The following C5 variants were observed in gnomAD, a reference collection of about 807,000 sequenced individuals.
The protein encoded by C5 is C3 and PZP-like alpha-2-macroglobulin domain-containing protein 4.
A neutral mutation model predicts 218.8 loss-of-function variants in C5; 140 were observed. The observed-to-expected ratio is 0.64, with a 90% CI of 0.56 to 0.74. The LOEUF (loss-of-function observed/expected upper bound fraction) is 0.74. Among genes scored for constraint, C5 ranks in the 30% least tolerant of loss-of-function variants. C5 has a pLI of 0.00. For missense variants in C5, 1,700 were observed against 1,969.6 expected (o/e 0.86, Z 2.59); for synonymous variants, 614 against 682.3 (o/e 0.90, Z 1.56).
upstream of C5, among the ~76,000 whole-genome samples, chr9:121,054,043 C>T (rs73662475): frequency 2.4e-3 from 363 of 152,112 alleles, no homozygotes; most frequent in African/African-American, 8.5e-3. Context: ...TGAATGAACT[C>T]CCACTTGGCC....
chr9:120,974,599 TTG>T (rs2046938503), intron 30 of C5, among the ~76,000 whole-genome samples, 178 bp downstream of exon 30: 1 of 152,206 alleles, frequency 6.6e-6, no homozygotes, highest in Non-Finnish European at 1.5e-5. Flanking sequence ...CGCTGATTGT[TTG>T]TGTTTTATTT....
chr9:121,046,224 T>G lies in C5; in HGVS notation c.225A>C (p.Ser75=). 1 of 1,601,154 alleles carries G rather than the reference T, an allele frequency of 6.2e-7. No individual in the cohort carries two copies. Among genetic ancestry groups the G allele is most frequent in the Non-Finnish European group, 8.5e-7 (1 of 1,169,870 alleles). The change falls in exon 2 of 41, where the codon TCA becomes TCC. Residue 75 remains serine (S), a synonymous_variant. Transcript: ENST00000223642. ...SYSSGHVHLS[S]ENKFQNSAIL... The stretch of plus-strand genomic sequence containing the variant: ...TTGCAGAGTTTTGGAATTTATTCTC[T>G]GAGGATAAATGAACATGGCCTGAGG...
chr9:121,032,227 G>T, intron 5 of C5, 32 bp from the exon 6 acceptor site: 1 of 1,287,352 alleles, frequency 7.8e-7, no homozygotes, highest in Non-Finnish European at 1.1e-6. Context: ...AATTATAGAT[G>T]TCATCAAATG....
At chr9:120,995,256 AT>A (rs968963755) in intron 22 of C5, among the ~76,000 whole-genome samples, 36 of 152,162 alleles carry the variant, frequency 2.4e-4, no homozygotes, top group African/African-American at 8.7e-4. Flanking sequence ...CTGTAAGTAA[AT>A]TTTTTCCCCA....
chr9:121,008,414 G>C lies in C5; in HGVS notation c.2342C>G (p.Pro781Arg), dbSNP rs769518956. 6.2e-7 allele frequency: 1 copy of C among 1,611,426 alleles called. No individual in the cohort carries two copies. The highest frequency in any genetic ancestry group is 1.1e-5 in the South Asian group (1 of 91,018). Residue 781 changes from proline to arginine, a missense_variant, in exon 18 of 41, where the codon CCC becomes CGC. Physicochemically the swap from Pro to Arg is moderately radical, Grantham distance 103. Transcript: ENST00000223642. ...CATGAAAGAAGTATAATACCTTCTG[G>C]GAACAAGATGAACTTCCCACAACCA... ...ESWLWEVHLV[P>R]RRKQLQFALP...
chr9:120,991,119 T>C, intron 23 of C5, 72 bp downstream of exon 23: 1 of 928,714 alleles, frequency 1.1e-6, no homozygotes, highest in Admixed American at 1.7e-5. Flanking sequence ...AACAGAATAA[T>C]CATGAGGATA....
intron 38 of C5, 131 bp from the exon 39 acceptor site, chr9:120,957,499 G>A (rs2046795151): frequency 1.4e-6 from 1 of 693,290 alleles, no homozygotes; most frequent in Non-Finnish European, 2.6e-6. Flanking sequence ...TTTCCTCCAA[G>A]AAGCCTTCCC....
intron 28 of C5, chr9:120,979,642 C>T (rs966659866): frequency 4.3e-6 from 1 of 233,998 alleles, no homozygotes; most frequent in African/African-American, 2.3e-5. Context: ...GATCCTAGCA[C>T]TTTGGAAGGC....
At chr9:121,037,302 G>GTTTTTTTTTTTTTTTTT (rs201849062) in intron 4 of C5, among the ~76,000 whole-genome samples, 1 of 136,722 alleles carries the variant, frequency 7.3e-6, no homozygotes, top group Non-Finnish European at 1.6e-5. Context: ...TTGTTTTTTG[G>GTTTTTTTTTTTTTTTTT]TTTTTTTTTT....
At chr9:120,994,680 G>C (rs539676993) in intron 22 of C5, among the ~76,000 whole-genome samples, 3 of 151,940 alleles carry the variant, frequency 2.0e-5, no homozygotes, top group Non-Finnish European at 4.4e-5. Context: ...CTTTAGCTCT[G>C]CAGAAATCAG....
intron 33 of C5, among the ~76,000 whole-genome samples, chr9:120,965,694 C>G (rs765007036): frequency 1.4e-4 from 22 of 152,134 alleles, no homozygotes; most frequent in Non-Finnish European, 2.9e-4. Context: ...ATATAAAACA[C>G]TTGGAACTCT....
chr9:121,025,660 C>T, intron 8 of C5, 80 bp from the exon 9 acceptor site: 1 of 1,349,206 alleles, frequency 7.4e-7, no homozygotes. Flanking sequence ...CTTTTACTAA[C>T]CTCTAAATTG....
At chr9:120,966,454 A>G (rs1365994195) in intron 33 of C5, among the ~76,000 whole-genome samples, 1 of 152,196 alleles carries the variant, frequency 6.6e-6, no homozygotes, top group Non-Finnish European at 1.5e-5. Flanking sequence ...CCTGAAGGTC[A>G]CTGGAGTTCT....
At chr9:121,048,517 CA>C (rs2047647126) in intron 1 of C5, among the ~76,000 whole-genome samples, 1 of 152,178 alleles carries the variant, frequency 6.6e-6, no homozygotes, top group Admixed American at 6.5e-5. Flanking sequence ...ATCCCCACCC[CA>C]ATCCTGGTCC....
chr9:121,055,850 T>G, the C5 span, among the ~76,000 whole-genome samples: 1 of 152,202 alleles, frequency 6.6e-6, no homozygotes, highest in African/African-American at 2.4e-5. Flanking sequence ...GTAGAGTGTC[T>G]GCATCACTCC....
chr9:121,044,953 T>TC (rs2047614254), intron 2 of C5, among the ~76,000 whole-genome samples: 1 of 149,560 alleles, frequency 6.7e-6, no homozygotes, highest in South Asian at 2.1e-4. Flanking sequence ...ACTTTCTTTT[T>TC]TTTTTTTTTT....
chr9:120,955,622 A>T (rs1329706972), intron 39 of C5, among the ~76,000 whole-genome samples: 1 of 152,206 alleles, frequency 6.6e-6, no homozygotes, highest in Non-Finnish European at 1.5e-5. Flanking sequence ...AAATTAAAAA[A>T]TTGTGACCAT....
In C5 at chr9:120,982,730, C is replaced by T. The variant is rs765640820; in HGVS notation, c.3315G>A (p.Leu1105=). 33 of 1,604,002 alleles carry T rather than the reference C, an allele frequency of 2.1e-5. 1 individual carries two copies. The South Asian group carries it at 3.5e-4, about 17-fold the overall frequency. The change falls in exon 26 of 41, where the codon TTG becomes TTA. Residue 1105 remains leucine, a synonymous_variant. Coordinates refer to ENST00000223642, the MANE Select transcript of C5 (RefSeq NM_001735.3). ...CTAATTGATAATTCTCAACTAGCCA[C>T]AATAAAGAATTACAAATTGAATTTT... ...QNQNSICNSL[L]WLVENYQLDN...
At chr9:121,015,295 T>C (rs1386821733) in intron 15 of C5, 34 bp from the exon 16 acceptor site, 1 of 1,419,988 alleles carries the variant, frequency 7.0e-7, no homozygotes, top group Admixed American at 1.7e-5. Flanking sequence ...AGAAGAAGGA[T>C]TAAAAAGGAG....
Sources: gnomAD v4.1 joint callset for allele counts (sites outside exome capture counted in the v4.1 genomes callset) on GRCh38, gnomAD v4.1.1 for gene constraint, MANE v1.5 for transcripts, NCBI Gene and HGNC (gene_info 2026-07-23, HGNC 2026-07-21) for gene names.